Variants in TTYH1 observed in about 807,000 individuals in gnomAD.
The protein encoded by TTYH1 is protein tweety homolog 1.
Under a neutral mutation model 61.2 loss-of-function variants are expected in TTYH1, and 33 were observed. The observed-to-expected ratio is 0.54, with a 90% CI of 0.41 to 0.72. TTYH1 has a LOEUF of 0.72. TTYH1 is among the 30% of genes least tolerant of loss of function. The pLI, the probability that TTYH1 is intolerant of heterozygous loss-of-function variation, is 0.00. For synonymous variants in TTYH1, 308 were observed against 266.4 expected (o/e 1.16, Z -1.52); for missense variants, 538 against 575.8 (o/e 0.93, Z 0.67).
intron 4 of TTYH1, among the ~76,000 whole-genome samples, 167 bp downstream of exon 4, chr19:54,422,577 T>C (rs2083241248): frequency 6.6e-6 from 1 of 152,006 alleles, no homozygotes; most frequent in African/African-American, 2.4e-5. Flanking sequence ...CACCCTGCAA[T>C]GCACAAGAAC....
rs772784292 is a variant in TTYH1 at position 54,435,840 on chromosome 19, T to C, written c.1281T>C (p.Asp427=). 1.7e-4 allele frequency: 278 copies of C among 1,613,292 alleles called. No homozygotes were observed. The highest frequency in any genetic ancestry group is 2.2e-4 in the Non-Finnish European group (265 of 1,179,964). The change falls in exon 12 of 14, where the codon GAT becomes GAC. Residue 427 remains aspartate, a synonymous_variant. Coordinates refer to ENST00000376530, the MANE Select transcript of TTYH1 (RefSeq NM_020659.4). ...WALFPPSDDY[D]DTDDDDPFNP... ...CATCAAACCCCAGTGACGACTACGA[T>C]GACACAGACGATGACGACCCTTTCA...
intron 4 of TTYH1, among the ~76,000 whole-genome samples, chr19:54,424,454 G>A (rs1188179561): frequency 6.6e-6 from 1 of 152,242 alleles, no homozygotes; most frequent in Non-Finnish European, 1.5e-5. Flanking sequence ...AGGCCGACTG[G>A]GGCTGAAAAA....
intron 5 of TTYH1, among the ~76,000 whole-genome samples, chr19:54,428,008 C>T (rs2083363099): frequency 6.6e-6 from 1 of 151,356 alleles, no homozygotes. Flanking sequence ...TCCCCTGAGG[C>T]TCAAGTGATC....
chr19:54,419,218 C>T lies in TTYH1; in HGVS notation c.217C>T (p.Arg73Trp), dbSNP rs143591244. Reference protein sequence around the residue: ...AVYLIRFCCCRPPEPPGSKIP... With the variant: ...AVYLIRFCCCWPPEPPGSKIP... ...CTACCTCATCCGCTTCTGCTGCTGCCGGCCCCCCGAGCCCCCCGGGTCCAA... is the reference window on the plus strand; with the variant it reads ...CTACCTCATCCGCTTCTGCTGCTGCTGGCCCCCCGAGCCCCCCGGGTCCAA... The change falls in exon 2 of 14, where the codon CGG becomes TGG. Residue 73 changes from arginine (R) to tryptophan (W), a missense_variant. Physicochemically the swap from Arg to Trp is moderately radical, Grantham distance 101. This residue lies in a region of TTYH1 where 157 missense variants were observed against 157.0 expected (regional missense o/e 1.00). Transcript: ENST00000376530. The surrounding 1 kb of genome is among the most constrained non-coding windows in gnomAD (Gnocchi z 6.1). 148 of 1,610,804 alleles carry T rather than the reference C, an allele frequency of 9.2e-5. No individual in the cohort carries two copies. The highest frequency in any genetic ancestry group is 2.5e-4 in the Admixed American group (15 of 59,998).
chr19:54,424,420 C>A (rs1253438745), intron 4 of TTYH1, among the ~76,000 whole-genome samples: 1 of 152,238 alleles, frequency 6.6e-6, no homozygotes, highest in Non-Finnish European at 1.5e-5. Context: ...GGAGGCCTTC[C>A]GGGATGCTGC....
At chr19:54,428,752 C>T (rs1435778274) in intron 5 of TTYH1, among the ~76,000 whole-genome samples, 1 of 152,184 alleles carries the variant, frequency 6.6e-6, no homozygotes, top group Non-Finnish European at 1.5e-5. Context: ...CTTGCAGACC[C>T]ATAAACCTAG....
At position 54,436,731 on chromosome 19, in the gene TTYH1, C is replaced by T. The variant is rs2083561402; in HGVS notation, c.*441C>T. On this transcript the variant is annotated 3_prime_UTR_variant, in exon 14 of 14. Transcript: ENST00000376530. The surrounding 1 kb of genome is among the most constrained non-coding windows in gnomAD (Gnocchi z 4.3). ...CTATTTTACAAGCAGCTGGGTCCTC[C>T]TTATTTCTCCTCTCCCTTGATTCGG... 3.1e-6 allele frequency: 1 copy of T among 318,904 alleles called. No homozygotes were observed. Among genetic ancestry groups the T allele is most frequent in the Non-Finnish European group, 5.9e-6 (1 of 168,846 alleles). 19.8% of individuals were successfully genotyped at this position (318,904 alleles called of 1,614,324 possible). A position where few individuals can be genotyped will look rare whatever the true frequency, so the allele number is the denominator to read the frequency against.
chr19:54,426,387 C>T (rs1051461898), intron 4 of TTYH1: 12 of 470,818 alleles, frequency 2.5e-5, no homozygotes, highest in South Asian at 1.6e-4. Context: ...GAACACATCA[C>T]GTGTCCCTGG....
Position 54,435,482 on chromosome 19 carries a change from C to T in TTYH1, c.1126-60C>T, listed in dbSNP as rs572749058. 6.4e-5 allele frequency: 98 copies of T among 1,536,738 alleles called. No homozygotes were observed. The African/African-American group carries it at 1.1e-3, about 17-fold the overall frequency. On this transcript the variant is annotated intron_variant, in intron 10 of 13. Coordinates refer to ENST00000376530, the MANE Select transcript of TTYH1 (RefSeq NM_020659.4). Reference sequence around the variant, plus strand: ...GGGAGGACGGTCAGACTGATGTGCACAGTGTGTGCCGATGGGGGAGGGGGT... The same window carrying T: ...GGGAGGACGGTCAGACTGATGTGCATAGTGTGTGCCGATGGGGGAGGGGGT...
intron 10 of TTYH1, chr19:54,431,505 C>T (rs2083444961): frequency 1.4e-5 from 6 of 422,678 alleles, no homozygotes; most frequent in African/African-American, 2.1e-5. Context: ...CTTCTCTCCT[C>T]TCTCCGTCCT....
rs1416819661 is a variant in TTYH1 at position 54,420,492 on chromosome 19, C to T, written c.306-785C>T. Among the ~76,000 whole-genome samples, 1 of 151,618 alleles carries T rather than the reference C, an allele frequency of 6.6e-6. No homozygotes were observed. Among genetic ancestry groups the T allele is most frequent in the Non-Finnish European group, 1.5e-5 (1 of 67,860 alleles). ...CGAGGGATGGGGGTGGAGGCCCAGC[C>T]GGGGCTGGGAACCGGGAGGGTGTCA... On this transcript the variant is annotated intron_variant, in intron 2 of 13. Coordinates refer to ENST00000376530, the MANE Select transcript of TTYH1 (RefSeq NM_020659.4). The surrounding 1 kb of genome is among the most constrained non-coding windows in gnomAD (Gnocchi z 4.8).
At chr19:54,422,845 C>T (rs1052809767) in intron 4 of TTYH1, among the ~76,000 whole-genome samples, 9 of 148,096 alleles carry the variant, frequency 6.1e-5, no homozygotes, top group African/African-American at 2.3e-4. Flanking sequence ...AGGAGAATCC[C>T]TTGAACCCGG....
intron 1 of TTYH1, chr19:54,418,187 G>A (rs1026935089): frequency 6.6e-6 from 1 of 152,186 alleles, no homozygotes; most frequent in African/African-American, 2.4e-5. Context: ...GGGCCTCTGG[G>A]ACCGCACAGG....
In TTYH1 at chr19:54,420,462, C is replaced by T. The variant is rs901127390; in HGVS notation, c.306-815C>T. 2.6e-5 allele frequency among the ~76,000 whole-genome samples: 4 copies of T among 151,770 alleles called. No homozygotes were observed. The highest frequency in any genetic ancestry group is 6.6e-5 in the Admixed American group (1 of 15,250). On this transcript the variant is annotated intron_variant, in intron 2 of 13. Coordinates refer to ENST00000376530, the MANE Select transcript of TTYH1 (RefSeq NM_020659.4). This position sits in a 1 kb window ranked among gnomAD's most constrained non-coding sequence, Gnocchi z 4.8. ...CAATGGGGCGGGGACACTGGGCGTC[C>T]GACCCGAGGGATGGGGGTGGAGGCC...
rs573172415 is a variant in TTYH1 at position 54,429,224 on chromosome 19, G to C, written c.735-83G>C. 1 of 1,285,028 alleles carries C rather than the reference G, an allele frequency of 7.8e-7. No individual in the cohort carries two copies. Among genetic ancestry groups the C allele is most frequent in the Admixed American group, 1.7e-5 (1 of 57,320 alleles). The allele number at this position is 1,285,028 out of a possible 1,614,324, so 79.6% of individuals were successfully genotyped here. A position where few individuals can be genotyped will look rare whatever the true frequency, so the allele number is the denominator to read the frequency against. On this transcript the variant is annotated intron_variant, in intron 5 of 13. Coordinates refer to ENST00000376530, the MANE Select transcript of TTYH1 (RefSeq NM_020659.4). The surrounding 1 kb of genome is among the most constrained non-coding windows in gnomAD (Gnocchi z 5.1). ...CCAGAGGTGGGTGGAGGTGGGGGGC[G>C]GCTGTGATGGGATTTGGGGTGTGGA...
chr19:54,423,166 C>G (rs1436792415), intron 4 of TTYH1, among the ~76,000 whole-genome samples: 1 of 151,436 alleles, frequency 6.6e-6, no homozygotes, highest in African/African-American at 2.4e-5. Flanking sequence ...CTCAGTCGTT[C>G]ATCCGTGTGA....
chr19:54,436,359 C>G lies in TTYH1; in HGVS notation c.*69C>G. 6.2e-7 allele frequency: 1 copy of G among 1,614,166 alleles called. No individual in the cohort carries two copies. Among genetic ancestry groups the G allele is most frequent in the Non-Finnish European group, 8.5e-7 (1 of 1,180,014 alleles). The stretch of plus-strand genomic sequence containing the variant: ...TCCTTCCCTGGCTGCCGGAGGAGAC[C>G]CCACTAACCCAGCCTGCCTGGGCTC... On this transcript the variant is annotated 3_prime_UTR_variant, in exon 14 of 14. Transcript: ENST00000376530. The surrounding 1 kb of genome is among the most constrained non-coding windows in gnomAD (Gnocchi z 4.3).
chr19:54,430,505 G>C, intron 7 of TTYH1, 45 bp from the exon 8 acceptor site: 2 of 1,605,670 alleles, frequency 1.2e-6, no homozygotes, highest in South Asian at 2.2e-5. Flanking sequence ...AGATCCCTGG[G>C]GGCCCAGGCT....
chr19:54,422,456 G>A (rs779381215), intron 4 of TTYH1, 46 bp downstream of exon 4: 14 of 1,452,782 alleles, frequency 9.6e-6, no homozygotes, highest in East Asian at 2.5e-5. Context: ...GCTCTCAGGC[G>A]GAGTCCCCGG....
Sources: gnomAD v4.1 joint callset for allele counts (sites outside exome capture counted in the v4.1 genomes callset) on GRCh38, gnomAD v4.1.1 for gene constraint, gnomAD v4.1.1 regional missense constraint, Gnocchi (gnomAD v3.1) non-coding constraint, MANE v1.5 for transcripts, NCBI Gene and HGNC (gene_info 2026-07-23, HGNC 2026-07-21) for gene names.